Variants in SLC5A9 observed in about 807,000 individuals in gnomAD.
SLC5A9 encodes the protein sodium/glucose cotransporter 4.
A neutral mutation model predicts 70.9 loss-of-function variants in SLC5A9; 59 were observed. That is an observed-to-expected ratio of 0.83 (90% CI 0.68 to 1.03). The LOEUF (loss-of-function observed/expected upper bound fraction) is 1.03. SLC5A9 is among the 50% of genes least tolerant of loss of function. The probability of loss-of-function intolerance (pLI) is 0.00; values close to 1 mark genes in which losing one functional copy is unlikely to be tolerated. For synonymous variants in SLC5A9, 340 were observed against 346.5 expected, an observed-to-expected ratio of 0.98 and a Z score of 0.21; for missense variants, 832 against 881.1, an observed-to-expected ratio of 0.94 and a Z score of 0.71.
chr1:48,246,403 C>T (rs185661495), intron 13 of SLC5A9, among the ~76,000 whole-genome samples: 2 of 152,240 alleles, frequency 1.3e-5, no homozygotes, highest in East Asian at 1.9e-4. Flanking sequence ...ATTGAACTTA[C>T]CAGCTACCAC....
chr1:48,233,102 C>A (rs1644276975), intron 8 of SLC5A9, among the ~76,000 whole-genome samples: 5 of 151,844 alleles, frequency 3.3e-5, no homozygotes. Flanking sequence ...GTGGCTCACT[C>A]CTGTAATCCC....
At chr1:48,240,823 G>A (rs1261905624) in intron 12 of SLC5A9, among the ~76,000 whole-genome samples, 1 of 152,056 alleles carries the variant, frequency 6.6e-6, no homozygotes, top group African/African-American at 2.4e-5. Flanking sequence ...CCCACCTCTT[G>A]TCTGCTTCTC....
At position 48,247,687 on chromosome 1, in the gene SLC5A9, C is replaced by G; in HGVS notation, c.*144C>G. The G allele has an allele frequency of 1.3e-6, 1 of 745,852 alleles. No homozygotes were observed. The highest frequency in any genetic ancestry group is 2.2e-6 in the Non-Finnish European group (1 of 446,602). 46.2% of individuals were successfully genotyped at this position (745,852 alleles called of 1,614,324 possible). A position where few individuals can be genotyped will look rare whatever the true frequency, so the allele number is the denominator to read the frequency against. ...AAGCTCCCCTGAAGAGAATCCAACTCAACCTGCACACTTGACAAGTGGAGA... is the reference window on the plus strand; with the variant it reads ...AAGCTCCCCTGAAGAGAATCCAACTGAACCTGCACACTTGACAAGTGGAGA... On this transcript the variant is annotated 3_prime_UTR_variant, in exon 14 of 14. Transcript: ENST00000438567.
chr1:48,226,016 T>C (rs1025354005), intron 2 of SLC5A9, among the ~76,000 whole-genome samples: 2 of 152,034 alleles, frequency 1.3e-5, no homozygotes, highest in Admixed American at 6.6e-5. Flanking sequence ...TCCAGGGCTC[T>C]CTGGAAGGTT....
chr1:48,222,987 C>T, intron 1 of SLC5A9, 89 bp downstream of exon 1: 1 of 1,323,484 alleles, frequency 7.6e-7, no homozygotes, highest in East Asian at 2.4e-5. Flanking sequence ...CAGGGCTAGG[C>T]AGAAAGAAGC....
intron 2 of SLC5A9, among the ~76,000 whole-genome samples, chr1:48,227,166 A>T (rs111204035): frequency 9.1e-6 from 1 of 109,484 alleles, no homozygotes; most frequent in Non-Finnish European, 1.9e-5. Context: ...TGTGTGTCAG[A>T]GTGTGTGTGC....
chr1:48,222,910 C>A lies in SLC5A9; in HGVS notation c.162+12C>A. 1 of 1,613,692 alleles carries A rather than the reference C, an allele frequency of 6.2e-7. No individual in the cohort carries two copies. Among genetic ancestry groups the A allele is most frequent in the Non-Finnish European group, 8.5e-7 (1 of 1,179,802 alleles). On this transcript the variant is annotated intron_variant, in intron 1 of 13. Transcript: ENST00000438567. ...CTGTGGGGATCTGGGTAAGTGGGCC[C>A]TGAGGCTGGGGCTAGCAGGGGAGGT...
At chr1:48,225,108 T>A (rs143963848) in intron 2 of SLC5A9, among the ~76,000 whole-genome samples, 1 of 151,982 alleles carries the variant, frequency 6.6e-6, no homozygotes. Context: ...GGCAGATAGA[T>A]TCATAAACAT....
chr1:48,231,487 C>A (rs1644246018), intron 5 of SLC5A9, 58 bp from the exon 6 acceptor site: 3 of 1,602,678 alleles, frequency 1.9e-6, no homozygotes, highest in African/African-American at 1.3e-5. Flanking sequence ...ACAGGGCAGG[C>A]AGCCAGAGAG....
At chr1:48,224,449 A>G (rs938884738) in intron 1 of SLC5A9, among the ~76,000 whole-genome samples, 8 of 152,168 alleles carry the variant, frequency 5.3e-5, no homozygotes, top group Non-Finnish European at 7.4e-5. Flanking sequence ...AAGAGTGCAC[A>G]ATCAATGGCT....
At chr1:48,224,891 C>A in intron 2 of SLC5A9, 96 bp downstream of exon 2, 1 of 1,247,090 alleles carries the variant, frequency 8.0e-7, no homozygotes, top group Non-Finnish European at 1.2e-6. Flanking sequence ...CACACCTGGA[C>A]CAAGGCAAAG....
chr1:48,239,622 G>C lies in SLC5A9; in HGVS notation c.1677+85G>C. On this transcript the variant is annotated intron_variant, in intron 12 of 13. Coordinates refer to ENST00000438567, the MANE Select transcript of SLC5A9 (RefSeq NM_001011547.3). This position sits in a 1 kb window ranked among gnomAD's most constrained non-coding sequence, Gnocchi z 4.2. Reference sequence around the variant, plus strand: ...GAATTCCACTGCTGACTTTTACTCTGTTGGGTTATGGTCTCCCCTGTGGCC... The same window carrying C: ...GAATTCCACTGCTGACTTTTACTCTCTTGGGTTATGGTCTCCCCTGTGGCC... 1 of 1,324,710 alleles carries C rather than the reference G, an allele frequency of 7.5e-7. No homozygotes were observed. Among genetic ancestry groups the C allele is most frequent in the Non-Finnish European group, 1.1e-6 (1 of 927,726 alleles). The allele number at this position is 1,324,710 out of a possible 1,614,324, so 82.1% of individuals were successfully genotyped here. A position where few individuals can be genotyped will look rare whatever the true frequency, so the allele number is the denominator to read the frequency against.
Position 48,239,238 on chromosome 1 carries a change from A to C in SLC5A9, c.1462-84A>C. On this transcript the variant is annotated intron_variant, in intron 11 of 13. Transcript: ENST00000438567. This position sits in a 1 kb window ranked among gnomAD's most constrained non-coding sequence, Gnocchi z 4.2. ...CAACATGGCAATAAACCAGTGGGAG[A>C]GAGATTTGGGGAGAGAGTAGTTTTA... The C allele has an allele frequency of 5.1e-6, 5 of 975,506 alleles. No individual in the cohort carries two copies. The highest frequency in any genetic ancestry group is 7.8e-6 in the Non-Finnish European group (5 of 641,928). The allele number at this position is 975,506 out of a possible 1,614,324, so 60.4% of individuals were successfully genotyped here. A position where few individuals can be genotyped will look rare whatever the true frequency, so the allele number is the denominator to read the frequency against.
At chr1:48,241,461 A>C (rs1230418168) in intron 12 of SLC5A9, among the ~76,000 whole-genome samples, 2 of 152,210 alleles carry the variant, frequency 1.3e-5, no homozygotes, top group Non-Finnish European at 2.9e-5. Context: ...AGGATAAGGG[A>C]TACCCAGCTC....
chr1:48,229,331 G>A lies in SLC5A9; in HGVS notation c.376G>A (p.Val126Ile), dbSNP rs368240645. ...GCTCCTGGCCCTTGGCTGGGTCTTC[G>A]TCCCTGTGTACATCGCAGCAGGTGT... ...WLLLALGWVF[V>I]PVYIAAGVVT... The change falls in exon 4 of 14, where the codon GTC becomes ATC. Residue 126 changes from valine to isoleucine, a missense_variant. Transcript: ENST00000438567. 1.0e-4 allele frequency: 167 copies of A among 1,613,966 alleles called. 1 individual carries two copies. In the South Asian group the frequency reaches 1.3e-3, roughly 13 times the overall value.
intron 13 of SLC5A9, among the ~76,000 whole-genome samples, chr1:48,243,974 AAAG>A (rs1253116377): frequency 6.6e-6 from 1 of 152,238 alleles, no homozygotes; most frequent in Non-Finnish European, 1.5e-5. Flanking sequence ...CAGGTAGTGC[AAAG>A]ATGTAGGGTT....
chr1:48,227,451 TGAGA>T lies in SLC5A9; in HGVS notation c.235-1395_235-1392del, dbSNP rs34525597. 6.8e-3 allele frequency among the ~76,000 whole-genome samples: 792 copies of T among 116,340 alleles called. 24 individuals carry two copies. Among genetic ancestry groups the T allele is most frequent in the Non-Finnish European group, 7.0e-3 (392 of 56,266 alleles). The allele number at this position is 116,340 out of a possible 152,430, so 76.3% of individuals were successfully genotyped here. On this transcript the variant is annotated intron_variant, in intron 2 of 13. Coordinates refer to ENST00000438567, the MANE Select transcript of SLC5A9 (RefSeq NM_001011547.3). The stretch of plus-strand genomic sequence containing the variant: ...GTCAGAGTGTGTGTGTGTGTATGTG[TGAGA>T]GAGTGTGTGTACTGTGCCTGTGTGG...
Position 48,232,444 on chromosome 1 carries a change from G to T in SLC5A9, c.975G>T (p.Lys325Asn). 3 of 1,614,212 alleles carry T rather than the reference G, an allele frequency of 1.9e-6. No individual in the cohort carries two copies. Among genetic ancestry groups the T allele is most frequent in the Non-Finnish European group, 2.5e-6 (3 of 1,180,044 alleles). The change falls in exon 8 of 14, where the codon AAG (lysine) becomes AAT (asparagine). Residue 325 changes from lysine (K) to asparagine (N), a missense_variant. Coordinates refer to ENST00000438567, the MANE Select transcript of SLC5A9 (RefSeq NM_001011547.3). ...KGGSVLGGYL[K>N]ILPMFFIVMP... ...GCTCCGTGCTGGGGGGCTACCTGAA[G>T]ATCCTCCCCATGTTCTTCATCGTCA...
In SLC5A9 at chr1:48,228,833, C is replaced by G. The variant is rs1310722993; in HGVS notation, c.235-17C>G. On this transcript the variant is annotated splice_polypyrimidine_tract_variant and intron_variant, in intron 2 of 13. Coordinates refer to ENST00000438567, the MANE Select transcript of SLC5A9 (RefSeq NM_001011547.3). Reference sequence around the variant, plus strand: ...TCACTCCTGACTCCTGACCCTTGACCCAACTGTGCCTTGCAGATTGGAGCA... The same window carrying G: ...TCACTCCTGACTCCTGACCCTTGACGCAACTGTGCCTTGCAGATTGGAGCA... 8 of 1,613,414 alleles carry G rather than the reference C, an allele frequency of 5.0e-6. No individual in the cohort carries two copies. The highest frequency in any genetic ancestry group is 5.1e-6 in the Non-Finnish European group (6 of 1,179,730).
Sources: gnomAD v4.1 joint callset for allele counts (sites outside exome capture counted in the v4.1 genomes callset) on GRCh38, gnomAD v4.1.1 for gene constraint, Gnocchi (gnomAD v3.1) non-coding constraint, MANE v1.5 for transcripts, NCBI Gene and HGNC (gene_info 2026-07-23, HGNC 2026-07-21) for gene names.